DENND1B: variants seen among roughly 807,000 people sequenced by gnomAD.
DENND1B encodes the protein DENN domain containing 1B, also known as DENN domain-containing protein 1B.
DENND1B carries 59 observed loss-of-function variants against 90.1 expected under a neutral mutation model. That is an observed-to-expected ratio of 0.65 (90% CI 0.53 to 0.81). The LOEUF is 0.81. Among genes scored for constraint, DENND1B ranks in the 40% least tolerant of loss-of-function variants. The pLI is 0.00. For missense variants in DENND1B, 862 were observed against 912.6 expected, an observed-to-expected ratio of 0.94 and a Z score of 0.71; for synonymous variants, 337 against 324.6, an observed-to-expected ratio of 1.04 and a Z score of -0.41.
At chr1:197,512,763 G>A in intron 21 of DENND1B, 108 bp downstream of exon 21, 1 of 943,936 alleles carries the variant, frequency 1.1e-6, no homozygotes, top group Non-Finnish European at 1.6e-6. Context: ...CTGTAAAAGG[G>A]CAACATCTGA....
At chr1:197,546,134 TCAGTG>T in intron 17 of DENND1B, 144 bp from the exon 18 acceptor site, 4 of 579,218 alleles carry the variant, frequency 6.9e-6, no homozygotes, top group Non-Finnish European at 1.2e-5. Flanking sequence ...TGTTCAGTGT[TCAGTG>T]TTTTCAAGTT....
intron 19 of DENND1B, among the ~76,000 whole-genome samples, chr1:197,540,709 T>C (rs1287898610): frequency 6.6e-6 from 1 of 152,158 alleles, no homozygotes; most frequent in African/African-American, 2.4e-5. Flanking sequence ...AAAACATACA[T>C]CCTGTTAAAA....
chr1:197,559,351 C>T (rs1253422188), intron 15 of DENND1B, among the ~76,000 whole-genome samples: 1 of 151,896 alleles, frequency 6.6e-6, no homozygotes, highest in Admixed American at 6.6e-5. Flanking sequence ...GTGCAATTCT[C>T]TGCCGAGCTG....
At chr1:197,754,172 TAAA>T (rs967597312) in intron 2 of DENND1B, among the ~76,000 whole-genome samples, 6 of 152,084 alleles carry the variant, frequency 3.9e-5, no homozygotes, top group Admixed American at 3.9e-4. Context: ...TTAATATTTT[TAAA>T]AAGAGGATTA....
chr1:197,615,984 A>G (rs958725979), intron 11 of DENND1B, among the ~76,000 whole-genome samples: 1 of 151,026 alleles, frequency 6.6e-6, no homozygotes, highest in Non-Finnish European at 1.5e-5. Context: ...AGATCTGGAA[A>G]AAAATTAGTA....
rs116584848 is a variant in DENND1B at position 197,623,931 on chromosome 1, G to T, written c.673-6172C>A. The stretch of plus-strand genomic sequence containing the variant: ...AAAGACTCTGATAAAAGAAATCAAA[G>T]AACTAAATAAATGGAGAGATATTCC... On this transcript the variant is annotated intron_variant, in intron 10 of 22. Coordinates refer to ENST00000620048, the MANE Select transcript of DENND1B (RefSeq NM_001195215.2). 9.1e-3 allele frequency among the ~76,000 whole-genome samples: 1,383 copies of T among 151,556 alleles called. 19 individuals carry two copies. The highest frequency in any genetic ancestry group is 0.028 in the African/African-American group (1,178 of 41,454).
chr1:197,641,325 G>A (rs1434577834), intron 10 of DENND1B, among the ~76,000 whole-genome samples: 1 of 152,096 alleles, frequency 6.6e-6, no homozygotes, highest in Admixed American at 6.5e-5. Context: ...GGAGAAAGAA[G>A]AAGAATGTTT....
At chr1:197,680,281 T>C (rs1188793871) in intron 3 of DENND1B, among the ~76,000 whole-genome samples, 1 of 152,180 alleles carries the variant, frequency 6.6e-6, no homozygotes, top group Non-Finnish European at 1.5e-5. Context: ...TCAGACTAAA[T>C]ATATCTCCGC....
At chr1:197,733,942 G>T in intron 2 of DENND1B, 1 of 366,282 alleles carries the variant, frequency 2.7e-6, no homozygotes, top group Non-Finnish European at 3.8e-6. Context: ...TAATACACAG[G>T]CTTATTTATG....
chr1:197,508,353 A>T lies in DENND1B; in HGVS notation c.*2107T>A, dbSNP rs1392408347. The T allele has an allele frequency of 6.6e-6, 1 of 151,784 alleles. No homozygotes were observed. Among genetic ancestry groups the T allele is most frequent in the Non-Finnish European group, 1.5e-5 (1 of 67,824 alleles). 9.4% of individuals were successfully genotyped at this position (151,784 alleles called of 1,614,324 possible). ...GCTATATGGACTTCTTCCATTATAA[A>T]CTTCAGTAAAGTAAGTTGTAATTTT... is the stretch of plus-strand genomic sequence containing the variant. On this transcript the variant is annotated 3_prime_UTR_variant, in exon 23 of 23. Transcript: ENST00000620048.
intron 10 of DENND1B, among the ~76,000 whole-genome samples, chr1:197,628,584 C>CCTA (rs1679015996): frequency 6.6e-6 from 1 of 152,132 alleles, no homozygotes; most frequent in Non-Finnish European, 1.5e-5. Context: ...TAGAAGAAAA[C>CCTA]CTAGGTGTTA....
At chr1:197,645,552 T>C (rs1361869276) in intron 9 of DENND1B, 138 bp downstream of exon 9, 1 of 456,694 alleles carries the variant, frequency 2.2e-6, no homozygotes, top group African/African-American at 2.0e-5. Flanking sequence ...CTTTATTTCT[T>C]ATTTCTTCAT....
In DENND1B at chr1:197,511,799, G is replaced by A; in HGVS notation, c.1744C>T (p.Gln582Ter). The change falls in exon 22 of 23, where the codon CAG (glutamine) becomes TAG (stop). Residue 582 changes from glutamine to a stop codon, truncating the protein, a stop_gained. Coordinates refer to ENST00000620048, the MANE Select transcript of DENND1B (RefSeq NM_001195215.2). LOFTEE classifies it high-confidence loss of function. ...LDTLSTHSSD[Q>*]GKLAAAKSLD... ...CTCTTTGCAGCTGCCAGCTTCCCCT[G>A]ATCTGAGCTGTGTGTGCTCAATGTA... 12 of 1,611,114 alleles carry A rather than the reference G, an allele frequency of 7.4e-6. No individual in the cohort carries two copies. Among genetic ancestry groups the A allele is most frequent in the Non-Finnish European group, 1.0e-5 (12 of 1,178,160 alleles).
At position 197,545,933 on chromosome 1, in the gene DENND1B, C is replaced by T. The variant is rs1670782999; in HGVS notation, c.1339G>A (p.Ala447Thr). 1 of 1,601,334 alleles carries T rather than the reference C, an allele frequency of 6.2e-7. No individual in the cohort carries two copies. The highest frequency in any genetic ancestry group is 1.3e-5 in the African/African-American group (1 of 74,276). ...MTKATPAVRT[A>T]YKFAKNHAKL... ...TCAAAAAAACTTACAAATTTATATGCTGTCCGTACAGCAGGGGTTGCTTTG... is the reference window on the plus strand; with the variant it reads ...TCAAAAAAACTTACAAATTTATATGTTGTCCGTACAGCAGGGGTTGCTTTG... Residue 447 changes from alanine to threonine, a missense_variant, in exon 18 of 23, where the codon GCA becomes ACA. Transcript: ENST00000620048.
chr1:197,617,197 G>C (rs1264132471), intron 11 of DENND1B, among the ~76,000 whole-genome samples: 3 of 151,104 alleles, frequency 2.0e-5, no homozygotes, highest in African/African-American at 7.3e-5. Flanking sequence ...TCAGTACTTG[G>C]TATTTGGTGT....
chr1:197,771,332 CAT>C (rs952513417), intron 2 of DENND1B, among the ~76,000 whole-genome samples: 23 of 152,288 alleles, frequency 1.5e-4, no homozygotes, highest in Admixed American at 1.4e-3. Flanking sequence ...GAGCTGAAAA[CAT>C]AATGTATCCA....
intron 15 of DENND1B, among the ~76,000 whole-genome samples, chr1:197,564,395 C>CAAGAA (rs1672438274): frequency 1.6e-5 from 1 of 63,156 alleles, no homozygotes; most frequent in African/African-American, 6.4e-5. Context: ...CCTCCACCAG[C>CAAGAA]AAAAAAAAAA....
chr1:197,529,216 ATATATATATATATATATATATATATATG>A (rs1465517205), intron 20 of DENND1B, among the ~76,000 whole-genome samples: 31 of 9,170 alleles, frequency 3.4e-3, no homozygotes, highest in African/African-American at 5.4e-3. Flanking sequence ...ATATATATAT[ATATATATATATATATATATATATATATG>A]TGTGTGTGTG....
chr1:197,516,301 GAA>G (rs1668395015), intron 20 of DENND1B, among the ~76,000 whole-genome samples: 1 of 151,666 alleles, frequency 6.6e-6, no homozygotes, highest in African/African-American at 2.4e-5. Context: ...AATAGTCATT[GAA>G]TATATATCAA....
Sources: gnomAD v4.1 joint callset for allele counts (sites outside exome capture counted in the v4.1 genomes callset) on GRCh38, gnomAD v4.1.1 for gene constraint, MANE v1.5 for transcripts, NCBI Gene and HGNC (gene_info 2026-07-23, HGNC 2026-07-21) for gene names.